Variants in MYH11 observed in about 807,000 individuals in gnomAD.
MYH11 encodes the protein myosin-11.
Under a neutral mutation model 246.6 loss-of-function variants are expected in MYH11, and 80 were observed. The observed-to-expected ratio is 0.32, with a 90% CI of 0.27 to 0.39. MYH11 has a LOEUF of 0.39. MYH11 is among the 10% of genes least tolerant of loss of function. The pLI, the probability that MYH11 is intolerant of heterozygous loss-of-function variation, is 1.00. For missense variants in MYH11, 2,158 were observed against 2,546.8 expected, an observed-to-expected ratio of 0.85 and a Z score of 3.29; for synonymous variants, 1,071 against 1,015.5, an observed-to-expected ratio of 1.05 and a Z score of -1.04.
At chr16:15,704,958 C>T (rs758533076) in intron 40 of MYH11, among the ~76,000 whole-genome samples, 4 of 152,002 alleles carry the variant, frequency 2.6e-5, no homozygotes, top group Non-Finnish European at 5.9e-5. Flanking sequence ...GCATTACAGG[C>T]GTGGGCCACC....
intron 3 of MYH11, among the ~76,000 whole-genome samples, chr16:15,800,030 G>A (rs1204984239): frequency 2.6e-5 from 4 of 151,798 alleles, no homozygotes; most frequent in Non-Finnish European, 5.9e-5. Flanking sequence ...ATGGATGGGT[G>A]GGTGGGTGGA....
chr16:15,836,535 G>A (rs188808162), intron 2 of MYH11, among the ~76,000 whole-genome samples: 1 of 151,890 alleles, frequency 6.6e-6, no homozygotes, highest in East Asian at 1.9e-4. Context: ...AAGTAGCTGG[G>A]ATTACAGGCG....
intron 5 of MYH11, among the ~76,000 whole-genome samples, chr16:15,784,106 T>C (rs186815590): frequency 5.1e-4 from 77 of 151,932 alleles, no homozygotes; most frequent in Non-Finnish European, 7.5e-4. Flanking sequence ...CCAAAGCTAG[T>C]GCATCGCGAC....
At chr16:15,846,891 A>T (rs2044204023) in intron 1 of MYH11, among the ~76,000 whole-genome samples, 1 of 152,024 alleles carries the variant, frequency 6.6e-6, no homozygotes, top group Admixed American at 6.6e-5. Flanking sequence ...GAGGTCGGGG[A>T]TGCAGTGAGC....
At chr16:15,756,290 A>T in intron 14 of MYH11, 51 bp downstream of exon 14, 1 of 1,598,784 alleles carries the variant, frequency 6.3e-7, no homozygotes, top group Non-Finnish European at 8.6e-7. Flanking sequence ...TGCGCTGAGC[A>T]GCCACTGGGG....
At chr16:15,712,846 G>C (rs2039881737) in intron 40 of MYH11, 2 of 146,826 alleles carry the variant, frequency 1.4e-5, no homozygotes, top group Admixed American at 1.4e-4. Context: ...AGAGTGATGG[G>C]TGGGGGCGAG....
At chr16:15,704,431 A>G (rs1048226964) in intron 40 of MYH11, among the ~76,000 whole-genome samples, 38 of 152,318 alleles carry the variant, frequency 2.5e-4, no homozygotes, top group African/African-American at 8.7e-4. Context: ...TTGAGAAGCC[A>G]CAGGATTCTG....
intron 40 of MYH11, among the ~76,000 whole-genome samples, chr16:15,704,599 A>C (rs1310602610): frequency 6.6e-6 from 1 of 152,148 alleles, no homozygotes; most frequent in Admixed American, 6.6e-5. Flanking sequence ...CTTAGAGGTG[A>C]GTTTTCAAGA....
intron 4 of MYH11, among the ~76,000 whole-genome samples, chr16:15,797,698 G>A (rs1743468417): frequency 1.3e-5 from 2 of 151,594 alleles, no homozygotes; most frequent in South Asian, 4.2e-4. Context: ...AATATTCATG[G>A]CACTTTTGTA....
chr16:15,716,200 C>T (rs989251778), intron 38 of MYH11, among the ~76,000 whole-genome samples: 19 of 151,948 alleles, frequency 1.3e-4, no homozygotes, highest in Admixed American at 6.6e-5. Flanking sequence ...CCCAAAGTGC[C>T]GGGATTATGG....
intron 38 of MYH11, among the ~76,000 whole-genome samples, chr16:15,716,526 GTGTGTGTA>G (rs2040156124): frequency 6.7e-6 from 1 of 148,478 alleles, no homozygotes. Context: ...TTTTTTTTGT[GTGTGTGTA>G]TGTGTGTGGA....
At chr16:15,747,522 G>A in intron 19 of MYH11, 48 bp downstream of exon 19, 1 of 1,612,192 alleles carries the variant, frequency 6.2e-7, no homozygotes, top group Non-Finnish European at 8.5e-7. Context: ...AAAGGCCCCT[G>A]TTTGTGATTC....
At chr16:15,812,027 A>G (rs2043148968) in intron 3 of MYH11, among the ~76,000 whole-genome samples, 2 of 152,108 alleles carry the variant, frequency 1.3e-5, no homozygotes, top group Admixed American at 1.3e-4. Context: ...CCTATTCATC[A>G]CGTTCATTTA....
intron 1 of MYH11, among the ~76,000 whole-genome samples, chr16:15,842,040 C>T (rs1299634083): frequency 6.6e-6 from 1 of 152,124 alleles, no homozygotes; most frequent in Non-Finnish European, 1.5e-5. Flanking sequence ...GCAGATATTC[C>T]AATACCTATT....
At chr16:15,768,751 C>T (rs1181586570) in intron 9 of MYH11, among the ~76,000 whole-genome samples, 3 of 152,078 alleles carry the variant, frequency 2.0e-5, no homozygotes, top group African/African-American at 7.2e-5. Flanking sequence ...ACAAGGAAAA[C>T]AGTATTACCA....
At chr16:15,785,002 CT>C in intron 5 of MYH11, 1 of 121,936 alleles carries the variant, frequency 8.2e-6, no homozygotes. Context: ...CCAGCTAATT[CT>C]CTTGATTTTT....
Position 15,726,902 on chromosome 16 carries a change from G to A in MYH11, c.3804C>T (p.Cys1268=), listed in dbSNP as rs2151225287. ...CCGCCCGGGCCCGCTCCCCATCGCT[G>A]CACTTGGACTGCAGCTCCTGCACCT... is the stretch of plus-strand genomic sequence containing the variant. ...EAQVQELQSK[C]SDGERARAEL... is the part of the protein sequence containing the mutation. The change falls in exon 28 of 41, where the codon TGC becomes TGT. Residue 1268 remains cysteine, a synonymous_variant. Transcript: ENST00000300036. 2 of 1,612,626 alleles carry A rather than the reference G, an allele frequency of 1.2e-6. No individual in the cohort carries two copies. The highest frequency in any genetic ancestry group is 1.7e-6 in the Non-Finnish European group (2 of 1,180,006).
At chr16:15,764,099 C>A (rs2041929405) in intron 9 of MYH11, among the ~76,000 whole-genome samples, 1 of 152,108 alleles carries the variant, frequency 6.6e-6, no homozygotes, top group African/African-American at 2.4e-5. Flanking sequence ...AAATTACAGC[C>A]CATGGACCAA....
chr16:15,719,840 C>T (rs752863991), intron 34 of MYH11, 127 bp from the exon 35 acceptor site: 39 of 1,353,690 alleles, frequency 2.9e-5, no homozygotes, highest in African/African-American at 4.3e-5. Flanking sequence ...TCCCATTGCA[C>T]GAGCATGGCT....
Sources: allele counts gnomAD v4.1 joint callset (sites outside exome capture counted in the v4.1 genomes callset), GRCh38; gene constraint gnomAD v4.1.1; transcripts MANE v1.5; gene names NCBI Gene and HGNC (gene_info 2026-07-23, HGNC 2026-07-21).